SLC25A21: variants seen among roughly 807,000 people sequenced by gnomAD.
The protein encoded by SLC25A21 is solute carrier family 25 member 21.
In SLC25A21, 47 loss-of-function variants were observed where a neutral mutation model predicts 43.8. That is an observed-to-expected ratio of 1.07 (90% CI 0.85 to 1.37). The LOEUF is 1.37. Ranked by LOEUF, SLC25A21 falls within the 40% of genes most tolerant of loss-of-function variation. The pLI, the probability that SLC25A21 is intolerant of heterozygous loss-of-function variation, is 0.00. For synonymous variants in SLC25A21, 131 were observed against 121.3 expected (o/e 1.08, Z -0.52); for missense variants, 352 against 350.2 (o/e 1.00, Z -0.04).
chr14:36,775,012 AT>A (rs1172740775), intron 3 of SLC25A21, among the ~76,000 whole-genome samples: 1 of 152,240 alleles, frequency 6.6e-6, no homozygotes, highest in Non-Finnish European at 1.5e-5. Flanking sequence ...GTACAATATA[AT>A]TTTAATCACT....
At chr14:37,161,489 G>A (rs1409619389) in intron 1 of SLC25A21, among the ~76,000 whole-genome samples, 1 of 152,052 alleles carries the variant, frequency 6.6e-6, no homozygotes, top group Non-Finnish European at 1.5e-5. Context: ...GTTGTGGGTT[G>A]GTCCCAGAAA....
chr14:37,142,842 C>G (rs898974191), intron 1 of SLC25A21, among the ~76,000 whole-genome samples: 13 of 152,220 alleles, frequency 8.5e-5, no homozygotes, highest in Non-Finnish European at 1.3e-4. Flanking sequence ...CACTCCTAGG[C>G]AGTGGCCCAG....
At chr14:37,123,792 A>T (rs2138895283) in intron 1 of SLC25A21, among the ~76,000 whole-genome samples, 1 of 152,262 alleles carries the variant, frequency 6.6e-6, no homozygotes. Context: ...AGGCTAAGGC[A>T]AGAAGATCAT....
chr14:36,678,472 T>G lies in SLC25A21; in HGVS notation c.*2186A>C. 6.5e-7 allele frequency: 1 copy of G among 1,535,270 alleles called. No individual in the cohort carries two copies. The highest frequency in any genetic ancestry group is 8.7e-7 in the Non-Finnish European group (1 of 1,145,138). On this transcript the variant is annotated 3_prime_UTR_variant, in exon 10 of 10. Coordinates refer to ENST00000331299, the MANE Select transcript of SLC25A21 (RefSeq NM_030631.4). Reference sequence around the variant, plus strand: ...ATCTTGTAAAACTTCCATTGACATCTGGAGTTCCCAGTCTGGTGAGAAAAT... The same window carrying G: ...ATCTTGTAAAACTTCCATTGACATCGGGAGTTCCCAGTCTGGTGAGAAAAT...
At chr14:36,862,635 G>A (rs1490988388) in intron 2 of SLC25A21, among the ~76,000 whole-genome samples, 1 of 152,108 alleles carries the variant, frequency 6.6e-6, no homozygotes, top group African/African-American at 2.4e-5. Context: ...GGGAGGAATA[G>A]CATTAGGAGA....
At chr14:36,809,877 G>A (rs1033486774) in intron 3 of SLC25A21, among the ~76,000 whole-genome samples, 1 of 152,064 alleles carries the variant, frequency 6.6e-6, no homozygotes, top group Admixed American at 6.5e-5. Flanking sequence ...CACCTGAGTA[G>A]GAAAGACATC....
intron 3 of SLC25A21, among the ~76,000 whole-genome samples, chr14:36,788,135 G>A (rs1178820618): frequency 6.6e-6 from 1 of 152,116 alleles, no homozygotes; most frequent in Admixed American, 6.5e-5. Flanking sequence ...CACATTTACA[G>A]CATTGCTTTA....
intron 1 of SLC25A21, among the ~76,000 whole-genome samples, chr14:36,974,447 T>A (rs1959822796): frequency 6.6e-6 from 1 of 152,230 alleles, no homozygotes; most frequent in Admixed American, 6.5e-5. Flanking sequence ...TAGGTACACA[T>A]ATTATATCTT....
At chr14:36,842,466 T>C (rs142153592) in intron 2 of SLC25A21, among the ~76,000 whole-genome samples, 2 of 152,244 alleles carry the variant, frequency 1.3e-5, no homozygotes, top group East Asian at 3.9e-4. Flanking sequence ...GGCAGCTATT[T>C]TGCACCATGA....
At chr14:36,913,607 T>G (rs1001362542) in intron 1 of SLC25A21, among the ~76,000 whole-genome samples, 1 of 152,216 alleles carries the variant, frequency 6.6e-6, no homozygotes, top group Non-Finnish European at 1.5e-5. Flanking sequence ...GTTGTTTGAA[T>G]AGATGTTTAC....
At chr14:37,018,269 C>T (rs1288000660) in intron 1 of SLC25A21, among the ~76,000 whole-genome samples, 1 of 151,892 alleles carries the variant, frequency 6.6e-6, no homozygotes, top group Non-Finnish European at 1.5e-5. Context: ...TTTAATACCT[C>T]CAAAATTGAG....
chr14:36,980,346 A>C (rs921255406), intron 1 of SLC25A21, among the ~76,000 whole-genome samples: 1 of 152,152 alleles, frequency 6.6e-6, no homozygotes, highest in African/African-American at 2.4e-5. Flanking sequence ...AGTGTTTTCC[A>C]ACTTGGTTCC....
rs187745464 is a variant in SLC25A21 at position 36,709,076 on chromosome 14, C to T, written c.603+2242G>A. Among the ~76,000 whole-genome samples the T allele has an allele frequency of 5.6e-3, 855 of 151,666 alleles. 7 individuals are homozygous for T. The highest frequency in any genetic ancestry group is 0.05 in the South Asian group (238 of 4,796). On this transcript the variant is annotated intron_variant, in intron 7 of 9. Transcript: ENST00000331299. ...AGGCTGGAGTGCAATGGCGCCAGCT[C>T]GGCTCACTGCAGCCTCCACCTCCCA...
intron 1 of SLC25A21, among the ~76,000 whole-genome samples, chr14:37,043,097 T>TG (rs1961509379): frequency 1.3e-5 from 2 of 152,220 alleles, no homozygotes; most frequent in African/African-American, 2.4e-5. Flanking sequence ...CCCCACCTTC[T>TG]GCCACAGACA....
chr14:36,864,508 C>T (rs1244411638), intron 2 of SLC25A21, among the ~76,000 whole-genome samples: 1 of 152,156 alleles, frequency 6.6e-6, no homozygotes, highest in Non-Finnish European at 1.5e-5. Context: ...TACTTTCTTG[C>T]TTGGGCTTAG....
At chr14:36,989,869 C>A (rs1336073264) in intron 1 of SLC25A21, among the ~76,000 whole-genome samples, 1 of 151,028 alleles carries the variant, frequency 6.6e-6, no homozygotes, top group East Asian at 1.9e-4. Context: ...AGGATATGAG[C>A]ATATGACTTT....
At chr14:37,132,457 T>C (rs1963407273) in intron 1 of SLC25A21, among the ~76,000 whole-genome samples, 1 of 151,954 alleles carries the variant, frequency 6.6e-6, no homozygotes, top group African/African-American at 2.4e-5. Flanking sequence ...AGGCCAAGAA[T>C]TTTACCTTGC....
intron 1 of SLC25A21, chr14:37,172,065 C>G: frequency 1.8e-6 from 1 of 545,426 alleles, no homozygotes; most frequent in Non-Finnish European, 3.2e-6. Flanking sequence ...CCGGCGCGGA[C>G]GCCGAGGCAA....
At chr14:37,053,056 T>C (rs928141144) in intron 1 of SLC25A21, among the ~76,000 whole-genome samples, 1 of 152,184 alleles carries the variant, frequency 6.6e-6, no homozygotes, top group Admixed American at 6.5e-5. Context: ...AATCAATATA[T>C]CTGTTTTATT....
Sources: allele counts gnomAD v4.1 joint callset (sites outside exome capture counted in the v4.1 genomes callset), GRCh38; gene constraint gnomAD v4.1.1; transcripts MANE v1.5; gene names NCBI Gene and HGNC (gene_info 2026-07-23, HGNC 2026-07-21).